Variants in GALNT13 observed in about 807,000 individuals in gnomAD.
The protein encoded by GALNT13 is UDP-GalNAc:polypeptide N-acetylgalactosaminyltransferase 13.
In GALNT13, 28 loss-of-function variants were observed where a neutral mutation model predicts 64.2. The observed-to-expected ratio is 0.44, with a 90% CI of 0.32 to 0.60. GALNT13 has a LOEUF of 0.60. Among genes scored for constraint, GALNT13 ranks in the 20% least tolerant of loss-of-function variants. The pLI is 0.05. For synonymous variants in GALNT13, 214 were observed against 224.6 expected (o/e 0.95, Z 0.42); for missense variants, 577 against 669.8 (o/e 0.86, Z 1.53).
intron 4 of GALNT13, among the ~76,000 whole-genome samples, chr2:154,212,558 G>A (rs556737586): frequency 3.0e-4 from 45 of 151,880 alleles, no homozygotes; most frequent in Non-Finnish European, 5.3e-4. Context: ...CAATTTAAAT[G>A]TACATTCTTC....
At chr2:153,616,604 T>C in the GALNT13 span, among the ~76,000 whole-genome samples, 1 of 151,992 alleles carries the variant, frequency 6.6e-6, no homozygotes, top group East Asian at 1.9e-4. Context: ...TCAGTTTCTT[T>C]CATCAGTGTT....
the GALNT13 span, among the ~76,000 whole-genome samples, chr2:153,822,491 T>G: frequency 1.3e-5 from 2 of 152,136 alleles, no homozygotes; most frequent in Non-Finnish European, 2.9e-5. Flanking sequence ...CATATGATTA[T>G]CTCAATAGAC....
chr2:154,355,493 C>T (rs1342349727), intron 9 of GALNT13, among the ~76,000 whole-genome samples: 1 of 151,972 alleles, frequency 6.6e-6, no homozygotes, highest in African/African-American at 2.4e-5. Context: ...TTGTATTTGC[C>T]ACACTAAAAT....
At chr2:154,426,574 AC>A (rs1411339683) in intron 11 of GALNT13, among the ~76,000 whole-genome samples, 1 of 152,204 alleles carries the variant, frequency 6.6e-6, no homozygotes, top group Admixed American at 6.5e-5. Context: ...GGGATTCCCA[AC>A]TGAGCTTAAA....
chr2:153,470,461 G>GA, the GALNT13 span, among the ~76,000 whole-genome samples: 2 of 151,992 alleles, frequency 1.3e-5, no homozygotes, highest in African/African-American at 2.4e-5. Flanking sequence ...GTTCTCCCAG[G>GA]AAAAAAATCT....
intron 9 of GALNT13, among the ~76,000 whole-genome samples, chr2:154,328,861 TC>T (rs1559093519): frequency 6.6e-6 from 1 of 152,148 alleles, no homozygotes; most frequent in African/African-American, 2.4e-5. Flanking sequence ...TTGTATCAAT[TC>T]TGTCTGTAAA....
chr2:153,784,248 T>G, the GALNT13 span, among the ~76,000 whole-genome samples: 1 of 152,248 alleles, frequency 6.6e-6, no homozygotes. Context: ...GCTGAGGTGG[T>G]CTCATATGGA....
chr2:153,821,839 A>C, the GALNT13 span, among the ~76,000 whole-genome samples: 3 of 152,158 alleles, frequency 2.0e-5, no homozygotes, highest in Non-Finnish European at 4.4e-5. Flanking sequence ...CCACAATCTA[A>C]AGTAACCATG....
chr2:153,153,709 A>G, the GALNT13 span, among the ~76,000 whole-genome samples: 1 of 130,296 alleles, frequency 7.7e-6, no homozygotes, highest in East Asian at 2.3e-4. Context: ...AGATACCTGT[A>G]GGTATGTGGT....
chr2:153,707,579 C>T, the GALNT13 span, among the ~76,000 whole-genome samples: 1 of 152,202 alleles, frequency 6.6e-6, no homozygotes, highest in African/African-American at 2.4e-5. Context: ...TCTGTGACCC[C>T]TTTGCCTCTC....
chr2:153,323,029 G>C, the GALNT13 span, among the ~76,000 whole-genome samples: 1 of 152,082 alleles, frequency 6.6e-6, no homozygotes, highest in Admixed American at 6.6e-5. Flanking sequence ...TGGGATTGCT[G>C]GGTCAAATGG....
chr2:153,434,768 AT>A, the GALNT13 span, among the ~76,000 whole-genome samples: 8 of 152,004 alleles, frequency 5.3e-5, no homozygotes, highest in African/African-American at 1.9e-4. Flanking sequence ...ATTGTCTCCC[AT>A]TTTGTAGGTT....
At chr2:154,206,984 A>G (rs538055697) in intron 4 of GALNT13, among the ~76,000 whole-genome samples, 2 of 152,238 alleles carry the variant, frequency 1.3e-5, no homozygotes, top group African/African-American at 4.8e-5. Context: ...TTACCATGAT[A>G]ATTTCAACAA....
chr2:153,360,201 C>G, the GALNT13 span, among the ~76,000 whole-genome samples: 1 of 152,170 alleles, frequency 6.6e-6, no homozygotes, highest in East Asian at 1.9e-4. Flanking sequence ...AGGGGAGCCC[C>G]CAACCCCCAG....
At chr2:153,537,615 G>A in the GALNT13 span, among the ~76,000 whole-genome samples, 2 of 152,124 alleles carry the variant, frequency 1.3e-5, no homozygotes, top group Non-Finnish European at 2.9e-5. Flanking sequence ...ATCCTGAATT[G>A]TAGTTCTCAT....
In GALNT13 at chr2:154,401,796, T is replaced by TG. The variant is rs1277668651; in HGVS notation, c.1296+5672dup. ...TTTATTTTGCTATGTTCTTTACTTT[T>TG]GGGGGGAAGGGATTTCAGATATCAG... On this transcript the variant is annotated intron_variant, in intron 10 of 12. Coordinates refer to ENST00000392825, the MANE Select transcript of GALNT13 (RefSeq NM_052917.4). Among the ~76,000 whole-genome samples, 3 of 152,154 alleles carry TG rather than the reference T, an allele frequency of 2.0e-5. No homozygotes were observed. In the East Asian group the frequency reaches 5.8e-4, roughly 29 times the overall value.
chr2:153,835,711 T>C, the GALNT13 span, among the ~76,000 whole-genome samples: 1 of 152,096 alleles, frequency 6.6e-6, no homozygotes, highest in Non-Finnish European at 1.5e-5. Context: ...TTATCACATA[T>C]ATTTACATGA....
chr2:153,644,086 C>T, the GALNT13 span, among the ~76,000 whole-genome samples: 1 of 151,712 alleles, frequency 6.6e-6, no homozygotes, highest in Non-Finnish European at 1.5e-5. Flanking sequence ...AGTAAAAAAA[C>T]TATGAGGAAT....
intron 2 of GALNT13, among the ~76,000 whole-genome samples, chr2:153,923,191 T>C (rs1454554963): frequency 6.6e-6 from 1 of 152,198 alleles, no homozygotes; most frequent in Non-Finnish European, 1.5e-5. Context: ...TGAGCCACTG[T>C]GCCTGGCCTG....
Sources: allele counts gnomAD v4.1 joint callset (sites outside exome capture counted in the v4.1 genomes callset), GRCh38; gene constraint gnomAD v4.1.1; transcripts MANE v1.5; gene names NCBI Gene and HGNC (gene_info 2026-07-23, HGNC 2026-07-21).